The following ASB3 variants were observed in gnomAD, a reference collection of about 807,000 sequenced individuals.
ASB3 encodes the protein ankyrin repeat and SOCS box protein 3.
Under a neutral mutation model 54.5 loss-of-function variants are expected in ASB3, and 41 were observed. That is an observed-to-expected ratio of 0.75 (90% CI 0.59 to 0.98). The LOEUF (loss-of-function observed/expected upper bound fraction) is 0.98. Among genes scored for constraint, ASB3 ranks in the 50% least tolerant of loss-of-function variants. The pLI is 0.00. For synonymous variants in ASB3, 266 were observed against 221.2 expected (o/e 1.20, Z -1.80); for missense variants, 733 against 620.0 (o/e 1.18, Z -1.94).
Position 53,716,740 on chromosome 2 carries a change from G to T in ASB3, c.608C>A (p.Ala203Glu), listed in dbSNP as rs750536999. ...ESLSILISSG[A>E]NVNCQALDKA... is the part of the protein sequence containing the mutation. ...GTCCAAGGCTTGACAATTGACATTT[G>T]CACCTAAGGGTACAAAATAAAACAT... Residue 203 changes from alanine to glutamate, a missense_variant, in exon 6 of 10, where the codon GCA (alanine) becomes GAA (glutamate). By Grantham distance (107) the Ala-to-Glu change is moderately radical. Coordinates refer to ENST00000263634, the MANE Select transcript of ASB3 (RefSeq NM_016115.5). 1.2e-6 allele frequency: 2 copies of T among 1,610,624 alleles called. No homozygotes were observed.
chr2:53,782,485 A>G (rs775646679), intron 1 of ASB3, among the ~76,000 whole-genome samples: 2 of 152,210 alleles, frequency 1.3e-5, no homozygotes, highest in Non-Finnish European at 2.9e-5. Flanking sequence ...CAGAATTATT[A>G]TAATATTTAT....
intron 2 of ASB3, among the ~76,000 whole-genome samples, chr2:53,756,503 T>C (rs1672835003): frequency 6.6e-6 from 1 of 152,194 alleles, no homozygotes; most frequent in South Asian, 2.1e-4. Flanking sequence ...TGCTAAAACA[T>C]TTCTGGGTAT....
In ASB3 at chr2:53,692,904, A is replaced by C. The variant is rs141283968; in HGVS notation, c.1369+980T>G. 6.8e-4 allele frequency among the ~76,000 whole-genome samples: 103 copies of C among 152,228 alleles called. 1 individual carries two copies. Among genetic ancestry groups the C allele is most frequent in the Admixed American group, 3.6e-3 (55 of 15,294 alleles). ...AAATTCTATACTAGAAGGCTGAAAG[A>C]CTCCAAATCAATTCTTTTTCTTTAA... On this transcript the variant is annotated intron_variant, in intron 9 of 9. Transcript: ENST00000263634.
intron 4 of ASB3, 133 bp downstream of exon 4, chr2:53,729,325 A>G: frequency 1.3e-6 from 1 of 769,550 alleles, no homozygotes; most frequent in South Asian, 2.0e-5. Context: ...TAGCATTTAG[A>G]CTGCCTTTTC....
chr2:53,688,364 C>T (rs1668740147), intron 9 of ASB3, among the ~76,000 whole-genome samples: 1 of 152,216 alleles, frequency 6.6e-6, no homozygotes, highest in African/African-American at 2.4e-5. Flanking sequence ...CAAACATGAG[C>T]TTTCAAATTG....
rs184811204 is a variant in ASB3, at chr2:53,763,269, G to A, written c.196+2108C>T. 2.4e-4 allele frequency among the ~76,000 whole-genome samples: 37 copies of A among 152,294 alleles called. No homozygotes were observed. In the East Asian group the frequency reaches 6.0e-3, roughly 25 times the overall value. Reference sequence around the variant, plus strand: ...AGCTACTTGGGAGACTGAGGCAGGAGAACCGCTTGAATCTGGGAGGTGGAG... The same window carrying A: ...AGCTACTTGGGAGACTGAGGCAGGAAAACCGCTTGAATCTGGGAGGTGGAG... On this transcript the variant is annotated intron_variant, in intron 2 of 9. Coordinates refer to ENST00000263634, the MANE Select transcript of ASB3 (RefSeq NM_016115.5).
intron 9 of ASB3, among the ~76,000 whole-genome samples, chr2:53,693,519 C>T (rs1669025812): frequency 6.6e-6 from 1 of 151,946 alleles, no homozygotes; most frequent in African/African-American, 2.4e-5. Flanking sequence ...ACAGACATTC[C>T]AAAGAGAAAA....
chr2:53,688,116 C>G (rs934301002), intron 9 of ASB3, among the ~76,000 whole-genome samples: 12 of 152,190 alleles, frequency 7.9e-5, no homozygotes, highest in African/African-American at 2.9e-4. Flanking sequence ...CACGCCTGGC[C>G]TATTTGTTGT....
intron 9 of ASB3, among the ~76,000 whole-genome samples, chr2:53,671,273 T>A (rs1007417707): frequency 1.4e-4 from 21 of 151,700 alleles, no homozygotes; most frequent in African/African-American, 5.1e-4. Flanking sequence ...TGTAGAAATT[T>A]AAAAAAACAA....
intron 1 of ASB3, among the ~76,000 whole-genome samples, chr2:53,778,094 A>G (rs1253125778): frequency 6.7e-6 from 1 of 148,436 alleles, no homozygotes; most frequent in Non-Finnish European, 1.5e-5. Context: ...GGTTGCAGTG[A>G]GCCAAGATGG....
At chr2:53,716,840 C>G in intron 5 of ASB3, 97 bp from the exon 6 acceptor site, 3 of 1,336,900 alleles carry the variant, frequency 2.2e-6, no homozygotes, top group Non-Finnish European at 3.0e-6. Context: ...TTTCGTAGCA[C>G]GGTAAGCTTT....
intron 9 of ASB3, among the ~76,000 whole-genome samples, chr2:53,671,227 T>G (rs1402697609): frequency 2.6e-5 from 4 of 152,170 alleles, no homozygotes; most frequent in African/African-American, 9.7e-5. Flanking sequence ...TCTTTTTATC[T>G]TCATTAACTT....
chr2:53,718,638 A>G (rs1401294150), intron 5 of ASB3, among the ~76,000 whole-genome samples: 1 of 152,090 alleles, frequency 6.6e-6, no homozygotes, highest in Non-Finnish European at 1.5e-5. Context: ...CTACCAACTT[A>G]ATAATAGGAT....
At chr2:53,743,188 G>A (rs1451317864) in intron 3 of ASB3, among the ~76,000 whole-genome samples, 2 of 136,616 alleles carry the variant, frequency 1.5e-5, no homozygotes, top group African/African-American at 5.5e-5. Flanking sequence ...TTTTTGCAGA[G>A]ATGGGGTGGT....
intron 1 of ASB3, among the ~76,000 whole-genome samples, chr2:53,772,232 T>A (rs565042461): frequency 3.3e-5 from 5 of 152,174 alleles, no homozygotes; most frequent in African/African-American, 1.2e-4. Context: ...TGGAGTGCAG[T>A]GGCGCGATCT....
Position 53,716,738 on chromosome 2 carries a change from T to A in ASB3, c.610A>T (p.Asn204Tyr). The A allele has an allele frequency of 6.2e-7, 1 of 1,611,892 alleles. No individual in the cohort carries two copies. The highest frequency in any genetic ancestry group is 2.2e-5 in the East Asian group (1 of 44,808). ...TTGTCCAAGGCTTGACAATTGACAT[T>A]TGCACCTAAGGGTACAAAATAAAAC... is the stretch of plus-strand genomic sequence containing the variant. Reference protein sequence around the residue: ...SLSILISSGANVNCQALDKAT... With the variant: ...SLSILISSGAYVNCQALDKAT... The change falls in exon 6 of 10, where the codon AAT (asparagine) becomes TAT (tyrosine). Residue 204 changes from asparagine to tyrosine, a missense_variant. Transcript: ENST00000263634.
chr2:53,775,587 T>C (rs1464336435), intron 1 of ASB3, among the ~76,000 whole-genome samples: 1 of 152,238 alleles, frequency 6.6e-6, no homozygotes, highest in Non-Finnish European at 1.5e-5. Flanking sequence ...GGAATTCTCC[T>C]GCCTCAGCCT....
intron 1 of ASB3, among the ~76,000 whole-genome samples, chr2:53,782,366 C>T (rs1674697863): frequency 6.6e-6 from 1 of 152,098 alleles, no homozygotes; most frequent in Admixed American, 6.5e-5. Context: ...AGAACACACA[C>T]ACATGCATAC....
intron 2 of ASB3, among the ~76,000 whole-genome samples, chr2:53,751,361 T>G (rs1672501327): frequency 6.6e-6 from 1 of 152,202 alleles, no homozygotes; most frequent in South Asian, 2.1e-4. Context: ...TACCATTACT[T>G]CCTTGTAGTC....
Sources: gnomAD v4.1 joint callset for allele counts (sites outside exome capture counted in the v4.1 genomes callset) on GRCh38, gnomAD v4.1.1 for gene constraint, MANE v1.5 for transcripts, NCBI Gene and HGNC (gene_info 2026-07-23, HGNC 2026-07-21) for gene names.